The following TBL1XR1 variants were observed in gnomAD, a reference collection of about 807,000 sequenced individuals.
The protein encoded by TBL1XR1 is F-box-like/WD repeat-containing protein TBL1XR1.
In TBL1XR1, 5 loss-of-function variants were observed where a neutral mutation model predicts 66.9. That is an observed-to-expected ratio of 0.07 (90% CI 0.04 to 0.16). The LOEUF is 0.16. TBL1XR1 is among the 10% of genes least tolerant of loss of function. The pLI, the probability that TBL1XR1 is intolerant of heterozygous loss-of-function variation, is 1.00. For missense variants in TBL1XR1, 238 were observed against 623.2 expected, an observed-to-expected ratio of 0.38 and a Z score of 6.58; for synonymous variants, 210 against 206.0, an observed-to-expected ratio of 1.02 and a Z score of -0.17.
chr3:177,038,133 G>A lies in TBL1XR1; in HGVS notation c.1087C>T (p.Leu363Phe). The A allele has an allele frequency of 6.2e-7, 1 of 1,613,040 alleles. No homozygotes were observed. Among genetic ancestry groups the A allele is most frequent in the Non-Finnish European group, 8.5e-7 (1 of 1,179,812 alleles). Residue 363 changes from leucine (L) to phenylalanine (F), a missense_variant, in exon 12 of 16, where the codon CTC (leucine) becomes TTC (phenylalanine). By Grantham distance (22) the Leu-to-Phe change is conservative. This residue lies in a region of TBL1XR1 where 89 missense variants were observed against 220.2 expected (regional missense o/e 0.40). Transcript: ENST00000457928. ...ATGTCGTCAGAACAGGAGGCCAAGA[G>A]ATTGCCAGTTGGGTCCCATTTGATA... ...NAIKWDPTGN[L>F]LASCSDDMTL...
intron 2 of TBL1XR1, among the ~76,000 whole-genome samples, chr3:177,084,879 G>C (rs572699539): frequency 1.1e-4 from 17 of 152,280 alleles, no homozygotes; most frequent in African/African-American, 3.6e-4. Context: ...TTCATATGTT[G>C]TCCAGAAATT....
At chr3:177,077,614 C>G (rs1720852032) in intron 2 of TBL1XR1, among the ~76,000 whole-genome samples, 1 of 152,168 alleles carries the variant, frequency 6.6e-6, no homozygotes, top group Non-Finnish European at 1.5e-5. Flanking sequence ...ACCTATCTAG[C>G]CATATGGTAC....
At chr3:177,138,663 T>C (rs1729278445) in intron 1 of TBL1XR1, among the ~76,000 whole-genome samples, 3 of 151,838 alleles carry the variant, frequency 2.0e-5, no homozygotes, top group African/African-American at 4.8e-5. Flanking sequence ...AGTAGCCAGG[T>C]TGGAGAGAGC....
intron 10 of TBL1XR1, among the ~76,000 whole-genome samples, chr3:177,038,885 G>A (rs767750422): frequency 6.6e-6 from 1 of 152,090 alleles, no homozygotes; most frequent in African/African-American, 2.4e-5. Flanking sequence ...TTAGATAAGG[G>A]TAACATGCAA....
intron 1 of TBL1XR1, among the ~76,000 whole-genome samples, chr3:177,194,433 C>T (rs1736564913): frequency 6.6e-6 from 1 of 152,190 alleles, no homozygotes; most frequent in African/African-American, 2.4e-5. Flanking sequence ...CTACCATTCA[C>T]ATTCTTCTTT....
At chr3:177,127,060 T>TTTTA (rs1727724427) in intron 1 of TBL1XR1, among the ~76,000 whole-genome samples, 1 of 152,202 alleles carries the variant, frequency 6.6e-6, no homozygotes, top group East Asian at 1.9e-4. Flanking sequence ...GTTTGATTGT[T>TTTTA]TTAAAGAGTA....
intron 1 of TBL1XR1, among the ~76,000 whole-genome samples, chr3:177,185,460 A>T (rs1387629895): frequency 6.6e-6 from 1 of 152,104 alleles, no homozygotes; most frequent in African/African-American, 2.4e-5. Context: ...GTACAAAAAA[A>T]TTAGCCAAGC....
intron 2 of TBL1XR1, among the ~76,000 whole-genome samples, chr3:177,067,156 C>T (rs1035433003): frequency 6.6e-6 from 1 of 152,112 alleles, no homozygotes; most frequent in Non-Finnish European, 1.5e-5. Context: ...TGAAGGCATG[C>T]TAAATTGAAT....
At chr3:177,116,723 A>AGTAAAACAAGATT (rs1011625719) in intron 1 of TBL1XR1, among the ~76,000 whole-genome samples, 1 of 152,242 alleles carries the variant, frequency 6.6e-6, no homozygotes, top group Admixed American at 6.5e-5. Flanking sequence ...TTTTCTCATC[A>AGTAAAACAAGATT]GTAAAACAAG....
At chr3:177,154,686 C>T (rs886599314) in intron 1 of TBL1XR1, among the ~76,000 whole-genome samples, 8 of 152,074 alleles carry the variant, frequency 5.3e-5, no homozygotes, top group Non-Finnish European at 7.4e-5. Flanking sequence ...TGAGCCACCG[C>T]GCCCGGCCGA....
chr3:177,023,972 T>C lies in TBL1XR1; in HGVS notation c.*1526A>G, dbSNP rs1019212518. The C allele has an allele frequency of 2.0e-5, 3 of 152,086 alleles. No homozygotes were observed. The highest frequency in any genetic ancestry group is 2.1e-4 in the South Asian group (1 of 4,830). The allele number at this position is 152,086 out of a possible 1,614,324, so 9.4% of individuals were successfully genotyped here. On this transcript the variant is annotated 3_prime_UTR_variant, in exon 16 of 16. Coordinates refer to ENST00000457928, the MANE Select transcript of TBL1XR1 (RefSeq NM_024665.7). ...GCCTTATTAGTCACACATATAAACATGGCCTCATGCAATCATTTGTCTGTA... is the reference window on the plus strand; with the variant it reads ...GCCTTATTAGTCACACATATAAACACGGCCTCATGCAATCATTTGTCTGTA...
At chr3:177,034,126 A>T (rs1714418570) in intron 13 of TBL1XR1, 72 bp downstream of exon 13, 2 of 1,499,496 alleles carry the variant, frequency 1.3e-6, no homozygotes, top group Non-Finnish European at 1.8e-6. Context: ...TCTTCCCTAA[A>T]CTTCTGTCAT....
chr3:177,111,909 C>T (rs926915175), intron 1 of TBL1XR1, among the ~76,000 whole-genome samples: 3 of 151,142 alleles, frequency 2.0e-5, no homozygotes, highest in Non-Finnish European at 2.9e-5. Context: ...CTTAGGCCTA[C>T]AACTTAAGCC....
chr3:177,191,758 A>C (rs114867585), intron 1 of TBL1XR1, among the ~76,000 whole-genome samples: 2,416 of 152,274 alleles, frequency 0.016, 56 homozygotes, highest in African/African-American at 0.055. Context: ...TACAGCCTAA[A>C]AGGCAGACCC....
intron 1 of TBL1XR1, among the ~76,000 whole-genome samples, chr3:177,143,485 G>C (rs546823199): frequency 1.8e-4 from 28 of 152,246 alleles, no homozygotes; most frequent in Middle Eastern, 3.4e-3. Flanking sequence ...TTTACAGTAC[G>C]TGAAGTGATG....
chr3:177,086,845 G>A (rs1220195738), intron 2 of TBL1XR1: 1 of 151,476 alleles, frequency 6.6e-6, no homozygotes, highest in Non-Finnish European at 1.5e-5. Flanking sequence ...ATGACCAGAA[G>A]TCTTACTAGT....
intron 14 of TBL1XR1, chr3:177,027,718 A>T (rs1303047960): frequency 6.6e-6 from 1 of 152,250 alleles, no homozygotes; most frequent in East Asian, 1.9e-4. Context: ...TTCCTCTTCA[A>T]ATTTAGCCCA....
chr3:177,156,694 A>G (rs80304692), intron 1 of TBL1XR1, among the ~76,000 whole-genome samples: 2 of 152,118 alleles, frequency 1.3e-5, no homozygotes, highest in Admixed American at 1.3e-4. Flanking sequence ...ATATTTGAAC[A>G]GTTCACAAAA....
intron 1 of TBL1XR1, among the ~76,000 whole-genome samples, chr3:177,117,708 AC>A (rs1424160907): frequency 6.6e-6 from 1 of 152,216 alleles, no homozygotes. Flanking sequence ...TAGTACAGTG[AC>A]TAATCTTCTA....
Sources: allele counts gnomAD v4.1 joint callset (sites outside exome capture counted in the v4.1 genomes callset), GRCh38; gene constraint gnomAD v4.1.1; regional missense constraint gnomAD v4.1.1; transcripts MANE v1.5; gene names NCBI Gene and HGNC (gene_info 2026-07-23, HGNC 2026-07-21).